GAS7: variants seen among roughly 807,000 people sequenced by gnomAD.
GAS7 encodes the protein growth arrest specific 7, also known as growth arrest-specific protein 7.
A neutral mutation model predicts 71.1 loss-of-function variants in GAS7; 28 were observed. The ratio of observed to expected loss-of-function variants is 0.39; its 90% CI spans 0.29 to 0.54. The LOEUF (loss-of-function observed/expected upper bound fraction) is 0.54, where lower values mean the gene tolerates loss of function less well. GAS7 is among the 20% of genes least tolerant of loss of function. The pLI is 0.62. For synonymous variants in GAS7, 258 were observed against 245.8 expected (o/e 1.05, Z -0.46); for missense variants, 436 against 627.8 (o/e 0.69, Z 3.27).
chr17:9,961,010 C>G, intron 4 of GAS7, among the ~76,000 whole-genome samples: 1 of 152,132 alleles, frequency 6.6e-6, no homozygotes, highest in African/African-American at 2.4e-5. Flanking sequence ...AAAATAGAGT[C>G]CCAGCTGCAC....
intron 1 of GAS7, among the ~76,000 whole-genome samples, chr17:10,135,476 A>G (rs1477150630): frequency 1.3e-5 from 2 of 152,208 alleles, no homozygotes; most frequent in Non-Finnish European, 2.9e-5. Flanking sequence ...AAGTCCAGGG[A>G]CTGAGCCCGC....
chr17:9,954,770 T>C (rs2069161718), intron 5 of GAS7, among the ~76,000 whole-genome samples: 1 of 152,144 alleles, frequency 6.6e-6, no homozygotes, highest in South Asian at 2.1e-4. Flanking sequence ...AACAAAGTGC[T>C]ATCCAACCCA....
intron 1 of GAS7, among the ~76,000 whole-genome samples, chr17:10,075,939 T>C (rs1451267413): frequency 3.4e-5 from 5 of 148,698 alleles, no homozygotes; most frequent in Non-Finnish European, 4.5e-5. Context: ...CCACCCCTAC[T>C]AAAAATACAA....
intron 1 of GAS7, among the ~76,000 whole-genome samples, chr17:10,031,572 C>T (rs2072618638): frequency 6.6e-6 from 1 of 152,326 alleles, no homozygotes; most frequent in Admixed American, 6.5e-5. Flanking sequence ...AAAGAAATGC[C>T]TTCCACGTGG....
At chr17:9,921,441 C>T (rs971388806) in intron 11 of GAS7, among the ~76,000 whole-genome samples, 40 of 152,154 alleles carry the variant, frequency 2.6e-4, no homozygotes, top group African/African-American at 9.7e-4. Flanking sequence ...CTAGCAAGAG[C>T]TCCTGCCTGG....
At chr17:10,164,910 A>G (rs375005077) in intron 1 of GAS7, among the ~76,000 whole-genome samples, 1 of 149,736 alleles carries the variant, frequency 6.7e-6, no homozygotes, top group South Asian at 2.1e-4. Context: ...GCACTGTGGG[A>G]GGCCAAGGCA....
At chr17:10,104,126 G>A (rs895285840) in intron 1 of GAS7, among the ~76,000 whole-genome samples, 2 of 152,094 alleles carry the variant, frequency 1.3e-5, no homozygotes, top group Non-Finnish European at 2.9e-5. Context: ...AATGTTGCCT[G>A]TAGTCACGGC....
intron 1 of GAS7, among the ~76,000 whole-genome samples, chr17:10,111,899 ACTCTT>A (rs1210992342): frequency 6.6e-6 from 1 of 151,952 alleles, no homozygotes. Flanking sequence ...TGCTTCTTAG[ACTCTT>A]ATTTTCATGC....
chr17:10,038,825 A>T (rs1041217484), intron 1 of GAS7, among the ~76,000 whole-genome samples: 25 of 151,182 alleles, frequency 1.7e-4, no homozygotes, highest in African/African-American at 4.4e-4. Context: ...TCAGCCTCCC[A>T]AGTAGCTGGG....
At chr17:10,194,858 C>CA (rs5819269) in intron 1 of GAS7, among the ~76,000 whole-genome samples, 11,618 of 83,800 alleles carry the variant, frequency 0.14, 1,270 homozygotes, top group Non-Finnish European at 0.18. Flanking sequence ...GACTCTGTCT[C>CA]AAAAAAAAAA....
At chr17:10,054,767 G>T (rs1416174229) in intron 1 of GAS7, among the ~76,000 whole-genome samples, 1 of 152,228 alleles carries the variant, frequency 6.6e-6, no homozygotes, top group African/African-American at 2.4e-5. Context: ...GCAGCTGGAT[G>T]CCAGCTTCCA....
At position 9,964,049 on chromosome 17, in the gene GAS7, A is replaced by G. The variant is rs577500325; in HGVS notation, c.472-4794T>C. Among the ~76,000 whole-genome samples the G allele has an allele frequency of 7.5e-4, 114 of 152,204 alleles. 1 individual carries two copies. The highest frequency in any genetic ancestry group is 2.7e-3 in the African/African-American group (111 of 41,522). ...TGGTACCTTATTATATATTCCCTCT[A>G]CTTTTGCAAAGGTTTGCAAATGCCT... is the stretch of plus-strand genomic sequence containing the variant. On this transcript the variant is annotated intron_variant, in intron 4 of 13. Coordinates refer to ENST00000432992, the MANE Select transcript of GAS7 (RefSeq NM_201433.2).
intron 9 of GAS7, among the ~76,000 whole-genome samples, chr17:9,932,021 C>G (rs541728388): frequency 3.3e-5 from 5 of 152,116 alleles, no homozygotes; most frequent in African/African-American, 1.2e-4. Context: ...CAGGAAGGAG[C>G]GACCATCTCT....
chr17:10,116,652 G>C (rs1421548505), intron 1 of GAS7, among the ~76,000 whole-genome samples: 2 of 152,186 alleles, frequency 1.3e-5, no homozygotes, highest in Non-Finnish European at 2.9e-5. Flanking sequence ...AATGGGAAGA[G>C]AAGGTATTCC....
chr17:10,071,869 G>A (rs757016570), intron 1 of GAS7, among the ~76,000 whole-genome samples: 6 of 151,366 alleles, frequency 4.0e-5, no homozygotes, highest in South Asian at 2.1e-4. Context: ...CCCAGGAGGC[G>A]GAGGCTGCAG....
chr17:10,061,759 A>G (rs1322815166), intron 1 of GAS7, among the ~76,000 whole-genome samples: 1 of 152,034 alleles, frequency 6.6e-6, no homozygotes, highest in African/African-American at 2.4e-5. Context: ...CATTTCTCCC[A>G]CAGCGAACTG....
chr17:9,926,242 C>T lies in GAS7; in HGVS notation c.1014+399G>A, dbSNP rs2067995035. Among the ~76,000 whole-genome samples the T allele has an allele frequency of 6.6e-6, 1 of 152,168 alleles. No homozygotes were observed. The highest frequency in any genetic ancestry group is 6.5e-5 in the Admixed American group (1 of 15,282). ...GACCACCCAGGACTCAGCCTCATCC[C>T]TGAGCAGGAAGGAGAGCAGGGAGGC... On this transcript the variant is annotated intron_variant, in intron 10 of 13. Coordinates refer to ENST00000432992, the MANE Select transcript of GAS7 (RefSeq NM_201433.2). The surrounding 1 kb of genome is among the most constrained non-coding windows in gnomAD (Gnocchi z 5.0).
chr17:10,098,184 C>A (rs74520202), intron 1 of GAS7, among the ~76,000 whole-genome samples: 2,972 of 152,312 alleles, frequency 0.02, 42 homozygotes, highest in Non-Finnish European at 0.028. Flanking sequence ...CTCTTGGGCA[C>A]CCAGAGCACA....
intron 1 of GAS7, among the ~76,000 whole-genome samples, chr17:10,048,327 A>G (rs2073011300): frequency 6.6e-6 from 1 of 152,216 alleles, no homozygotes; most frequent in Non-Finnish European, 1.5e-5. Flanking sequence ...CAAAACAACA[A>G]CAACAAAAAA....
Sources: gnomAD v4.1 joint callset for allele counts (sites outside exome capture counted in the v4.1 genomes callset) on GRCh38, gnomAD v4.1.1 for gene constraint, Gnocchi (gnomAD v3.1) non-coding constraint, MANE v1.5 for transcripts, NCBI Gene and HGNC (gene_info 2026-07-23, HGNC 2026-07-21) for gene names.